Variants in CNNM2 observed in about 807,000 individuals in gnomAD.
CNNM2 encodes the protein metal transporter CNNM2.
CNNM2 carries 12 observed loss-of-function variants against 66.9 expected under a neutral mutation model. The ratio of observed to expected loss-of-function variants is 0.18; its 90% CI spans 0.11 to 0.29. CNNM2 has a LOEUF of 0.29. Among genes scored for constraint, CNNM2 ranks in the 10% least tolerant of loss-of-function variants. The pLI is 1.00. For missense variants in CNNM2, 705 were observed against 1,167.7 expected (o/e 0.60, Z 5.77); for synonymous variants, 557 against 501.8 (o/e 1.11, Z -1.47).
chr10:102,926,092 A>T (rs1845849790), intron 1 of CNNM2, among the ~76,000 whole-genome samples: 1 of 152,230 alleles, frequency 6.6e-6, no homozygotes, highest in African/African-American at 2.4e-5. Flanking sequence ...TTCTGTTCAC[A>T]GTACATACAG....
chr10:102,998,175 C>T (rs188176275), intron 1 of CNNM2, among the ~76,000 whole-genome samples: 87 of 152,270 alleles, frequency 5.7e-4, no homozygotes, highest in African/African-American at 1.9e-3. Context: ...TTTTCTTACT[C>T]ATAATGCAAA....
At chr10:102,923,636 T>C (rs1845739130) in intron 1 of CNNM2, among the ~76,000 whole-genome samples, 1 of 152,202 alleles carries the variant, frequency 6.6e-6, no homozygotes, top group Non-Finnish European at 1.5e-5. Flanking sequence ...TATATATGGC[T>C]TTAAACCCAG....
At chr10:103,032,467 T>G (rs1273183064) in intron 1 of CNNM2, among the ~76,000 whole-genome samples, 2 of 151,190 alleles carry the variant, frequency 1.3e-5, no homozygotes, top group Admixed American at 6.6e-5. Flanking sequence ...AAAAAAAGAA[T>G]TACCCTGTAG....
chr10:103,073,972 T>G (rs1201474552), intron 6 of CNNM2, among the ~76,000 whole-genome samples: 1 of 152,028 alleles, frequency 6.6e-6, no homozygotes, highest in East Asian at 1.9e-4. Context: ...GATCTTATTT[T>G]TAATCCTTGT....
chr10:102,939,244 G>A (rs1408951308), intron 1 of CNNM2, among the ~76,000 whole-genome samples: 1 of 152,232 alleles, frequency 6.6e-6, no homozygotes, highest in Non-Finnish European at 1.5e-5. Context: ...TGCAGGATCA[G>A]AGGCTAATTT....
rs66498944 is a variant in CNNM2 at position 102,976,611 on chromosome 10, ATTTTTTTTTTTT to A, written c.1621+56527_1621+56538del. On this transcript the variant is annotated intron_variant, in intron 1 of 7. Transcript: ENST00000369878. ...CAGGTGTGCGCCACACGCCCAGGTA[ATTTTTTTTTTTT>A]TTTTTTTTTTTTTTTTGTATTTTTA... Among the ~76,000 whole-genome samples, 10,881 of 59,720 alleles carry A rather than the reference ATTTTTTTTTTTT, an allele frequency of 0.18. 748 individuals are homozygous for A. The highest frequency in any genetic ancestry group is 0.41 in the East Asian group (1,138 of 2,766). The allele number at this position is 59,720 out of a possible 152,430, so 39.2% of individuals were successfully genotyped here. A position where few individuals can be genotyped will look rare whatever the true frequency, so the allele number is the denominator to read the frequency against.
At chr10:103,059,182 C>T (rs2065342734) in intron 4 of CNNM2, among the ~76,000 whole-genome samples, 1 of 152,284 alleles carries the variant, frequency 6.6e-6, no homozygotes, top group East Asian at 1.9e-4. Flanking sequence ...CCTTGTTGGC[C>T]AGGCTGGTCT....
chr10:102,962,079 C>CA (rs1001148258), intron 1 of CNNM2, among the ~76,000 whole-genome samples: 13 of 146,680 alleles, frequency 8.9e-5, no homozygotes, highest in African/African-American at 1.5e-4. Context: ...AACAAATTAG[C>CA]AAAAAAAAAA....
chr10:103,034,438 C>T (rs766207421), intron 1 of CNNM2, among the ~76,000 whole-genome samples: 35 of 152,044 alleles, frequency 2.3e-4, no homozygotes, highest in South Asian at 4.2e-4. Flanking sequence ...AGCAAATGTA[C>T]GGTGTGGTTT....
At chr10:103,034,915 G>T (rs912129268) in intron 1 of CNNM2, among the ~76,000 whole-genome samples, 1 of 146,800 alleles carries the variant, frequency 6.8e-6, no homozygotes, top group African/African-American at 2.5e-5. Context: ...GCAGTGAGCC[G>T]AGATTGCGCC....
intron 1 of CNNM2, among the ~76,000 whole-genome samples, chr10:102,978,313 A>G (rs959829514): frequency 7.3e-5 from 11 of 150,196 alleles, no homozygotes; most frequent in Non-Finnish European, 1.5e-4. Context: ...CTGCAAATCT[A>G]TACTTGCTGC....
intron 1 of CNNM2, among the ~76,000 whole-genome samples, chr10:103,036,616 C>A (rs1311117333): frequency 1.3e-5 from 2 of 152,176 alleles, no homozygotes; most frequent in Non-Finnish European, 2.9e-5. Context: ...CTCCAAAAAC[C>A]GTTTCTCTCT....
chr10:102,926,631 G>A (rs915685879), intron 1 of CNNM2, among the ~76,000 whole-genome samples: 4 of 151,458 alleles, frequency 2.6e-5, no homozygotes, highest in Non-Finnish European at 4.4e-5. Context: ...CTGCAGCCTC[G>A]ACCTCCCAGG....
intron 1 of CNNM2, among the ~76,000 whole-genome samples, chr10:102,974,935 T>C (rs1180709962): frequency 6.6e-6 from 1 of 152,184 alleles, no homozygotes; most frequent in African/African-American, 2.4e-5. Context: ...AGAAGAACAA[T>C]TGAAGAAAGA....
chr10:103,014,990 T>A (rs1363480466), intron 1 of CNNM2, among the ~76,000 whole-genome samples: 2 of 152,218 alleles, frequency 1.3e-5, no homozygotes, highest in Admixed American at 1.3e-4. Context: ...CACTTCAAAC[T>A]TCTTCCAGTA....
In CNNM2 at chr10:103,077,294, T is replaced by C. The variant is rs1302501027; in HGVS notation, c.*114T>C. 1 of 915,874 alleles carries C rather than the reference T, an allele frequency of 1.1e-6. No homozygotes were observed. Among genetic ancestry groups the C allele is most frequent in the Non-Finnish European group, 1.7e-6 (1 of 604,648 alleles). 56.7% of individuals were successfully genotyped at this position (915,874 alleles called of 1,614,324 possible). On this transcript the variant is annotated 3_prime_UTR_variant, in exon 8 of 8. Coordinates refer to ENST00000369878, the MANE Select transcript of CNNM2 (RefSeq NM_017649.5). ...GTCCGCCATGCTGTACCCTGCAACA[T>C]CCTGAGACCAAAGACCTTGTGCCCT... is the stretch of plus-strand genomic sequence containing the variant.
intron 1 of CNNM2, among the ~76,000 whole-genome samples, chr10:103,048,807 A>G (rs895228783): frequency 1.3e-5 from 2 of 152,214 alleles, no homozygotes; most frequent in Non-Finnish European, 2.9e-5. Flanking sequence ...CAGATTACCA[A>G]AAGACATGTA....
At chr10:103,016,169 C>T (rs759496929) in intron 1 of CNNM2, among the ~76,000 whole-genome samples, 2 of 151,944 alleles carry the variant, frequency 1.3e-5, no homozygotes, top group Non-Finnish European at 2.9e-5. Context: ...CAGCTATTCT[C>T]CATGGAGCCA....
At chr10:103,065,550 T>C (rs1292086759) in intron 4 of CNNM2, among the ~76,000 whole-genome samples, 6 of 152,196 alleles carry the variant, frequency 3.9e-5, no homozygotes, top group Non-Finnish European at 7.3e-5. Flanking sequence ...CCTGACAGTT[T>C]TATCTCCAAA....
Sources: allele counts gnomAD v4.1 joint callset (sites outside exome capture counted in the v4.1 genomes callset), GRCh38; gene constraint gnomAD v4.1.1; transcripts MANE v1.5; gene names NCBI Gene and HGNC (gene_info 2026-07-23, HGNC 2026-07-21).